The following ZRANB3 variants were observed in gnomAD, a reference collection of about 807,000 sequenced individuals.
The protein encoded by ZRANB3 is DNA annealing helicase and endonuclease ZRANB3.
ZRANB3 carries 125 observed loss-of-function variants against 133.8 expected under a neutral mutation model. That is an observed-to-expected ratio of 0.93 (90% CI 0.81 to 1.08). The LOEUF (loss-of-function observed/expected upper bound fraction) is 1.08. ZRANB3 is among the 50% of genes least tolerant of loss of function. The pLI is 0.00. For synonymous variants in ZRANB3, 387 were observed against 432.7 expected, an observed-to-expected ratio of 0.89 and a Z score of 1.31; for missense variants, 1,229 against 1,275.5, an observed-to-expected ratio of 0.96 and a Z score of 0.56.
intron 12 of ZRANB3, among the ~76,000 whole-genome samples, chr2:135,240,472 C>T (rs1452945978): frequency 1.3e-5 from 2 of 152,194 alleles, no homozygotes; most frequent in East Asian, 3.8e-4. Flanking sequence ...TCTAGTTAAA[C>T]CATACTGTTT....
intron 2 of ZRANB3, among the ~76,000 whole-genome samples, chr2:135,409,105 T>G (rs981417838): frequency 3.3e-5 from 5 of 152,106 alleles, no homozygotes; most frequent in Admixed American, 2.6e-4. Flanking sequence ...ACAGGAAACT[T>G]ACAATCATAG....
intron 2 of ZRANB3, among the ~76,000 whole-genome samples, chr2:135,402,339 G>A (rs1687771453): frequency 6.6e-6 from 1 of 150,738 alleles, no homozygotes; most frequent in Admixed American, 6.6e-5. Context: ...CTGTTGCCCG[G>A]GCTGCAGTGC....
chr2:135,511,859 T>C (rs1244311620), intron 1 of ZRANB3: 2 of 764,650 alleles, frequency 2.6e-6, no homozygotes, highest in Non-Finnish European at 4.9e-6. Flanking sequence ...CTATGCAGCA[T>C]GTCTGGGGCC....
intron 6 of ZRANB3, among the ~76,000 whole-genome samples, chr2:135,324,667 A>G (rs920855419): frequency 1.3e-5 from 2 of 152,216 alleles, no homozygotes; most frequent in African/African-American, 2.4e-5. Flanking sequence ...ACTGTCTTCC[A>G]TAATGGTTGA....
rs541576171 is a variant in ZRANB3, at chr2:135,481,088, T to C, written c.161+23241A>G. On this transcript the variant is annotated intron_variant, in intron 2 of 20. Transcript: ENST00000264159. ...CGCAATAAACATACGTGAGCATGTG[T>C]CTTTATAGCAGCATGATTTATAGTC... 7.9e-5 allele frequency among the ~76,000 whole-genome samples: 12 copies of C among 152,190 alleles called. No individual in the cohort carries two copies. In the East Asian group the frequency reaches 1.7e-3, roughly 22 times the overall value.
chr2:135,465,822 GA>G (rs1690963306), intron 2 of ZRANB3, among the ~76,000 whole-genome samples: 1 of 151,816 alleles, frequency 6.6e-6, no homozygotes, highest in Admixed American at 6.6e-5. Context: ...AAATTTACAA[GA>G]AAAAAACAAA....
At chr2:135,356,963 T>G (rs1685466870) in intron 3 of ZRANB3, among the ~76,000 whole-genome samples, 1 of 152,132 alleles carries the variant, frequency 6.6e-6, no homozygotes, top group Admixed American at 6.5e-5. Context: ...GGATTATAGG[T>G]GAGGGCCACC....
At chr2:135,461,706 C>T (rs568575174) in intron 2 of ZRANB3, among the ~76,000 whole-genome samples, 2 of 152,300 alleles carry the variant, frequency 1.3e-5, no homozygotes, top group South Asian at 4.1e-4. Flanking sequence ...CTGGACTAGA[C>T]AGCTCTACGT....
chr2:135,434,055 G>A (rs749887400), intron 2 of ZRANB3, among the ~76,000 whole-genome samples: 49 of 152,246 alleles, frequency 3.2e-4, no homozygotes, highest in Non-Finnish European at 5.9e-4. Flanking sequence ...CCGGATGCTC[G>A]GGAGGCTGAG....
chr2:135,520,582 GT>G (rs1436885798), intron 1 of ZRANB3, among the ~76,000 whole-genome samples: 1 of 150,934 alleles, frequency 6.6e-6, no homozygotes, highest in African/African-American at 2.4e-5. Flanking sequence ...CTGGCTAATT[GT>G]TTTTTTGTTT....
chr2:135,300,619 A>C (rs1156542340), intron 8 of ZRANB3, among the ~76,000 whole-genome samples: 1 of 152,208 alleles, frequency 6.6e-6, no homozygotes, highest in Non-Finnish European at 1.5e-5. Flanking sequence ...CAGTTGACCA[A>C]GCAAGAAATC....
chr2:135,463,504 G>A lies in ZRANB3; in HGVS notation c.161+40825C>T, dbSNP rs111991000. ...GTGATTTCGGCTCTCTGCAACCTCC[G>A]CCTCCCAGGTTCAAGCAATTCTCCT... On this transcript the variant is annotated intron_variant, in intron 2 of 20. Transcript: ENST00000264159. 3.0e-3 allele frequency among the ~76,000 whole-genome samples: 458 copies of A among 151,228 alleles called. 2 individuals are homozygous for A. Among genetic ancestry groups the A allele is most frequent in the African/African-American group, 0.01 (425 of 41,210 alleles).
At chr2:135,363,957 T>C (rs748049281) in intron 3 of ZRANB3, among the ~76,000 whole-genome samples, 2 of 152,058 alleles carry the variant, frequency 1.3e-5, no homozygotes, top group East Asian at 3.9e-4. Context: ...GTGCCTGTAG[T>C]CATAACTACT....
At chr2:135,299,412 C>G (rs888387261) in intron 8 of ZRANB3, among the ~76,000 whole-genome samples, 1 of 152,198 alleles carries the variant, frequency 6.6e-6, no homozygotes. Flanking sequence ...CTACAAGCCT[C>G]CCCTGCTCTG....
chr2:135,217,891 C>A (rs1482507197), intron 16 of ZRANB3, among the ~76,000 whole-genome samples: 1 of 152,146 alleles, frequency 6.6e-6, no homozygotes, highest in Non-Finnish European at 1.5e-5. Flanking sequence ...CTTACTGCAG[C>A]CTTGACCTCC....
chr2:135,452,623 A>G (rs1002548671), intron 2 of ZRANB3, among the ~76,000 whole-genome samples: 1 of 152,212 alleles, frequency 6.6e-6, no homozygotes, highest in East Asian at 1.9e-4. Context: ...AAGGGGTTGT[A>G]GGGCCCATGC....
At chr2:135,344,090 C>T (rs1684815192) in intron 6 of ZRANB3, among the ~76,000 whole-genome samples, 1 of 152,072 alleles carries the variant, frequency 6.6e-6, no homozygotes, top group Non-Finnish European at 1.5e-5. Flanking sequence ...TCAAGTACTC[C>T]CTATGTATGG....
At chr2:135,324,623 T>C (rs1195673047) in intron 6 of ZRANB3, among the ~76,000 whole-genome samples, 1 of 152,184 alleles carries the variant, frequency 6.6e-6, no homozygotes, top group Non-Finnish European at 1.5e-5. Context: ...GGTCAAATGG[T>C]ATTTCTAGTT....
At position 135,230,675 on chromosome 2, in the gene ZRANB3, T is replaced by C. The variant is rs2105068126; in HGVS notation, c.1792A>G (p.Lys598Glu). The change falls in exon 13 of 21, where the codon AAG becomes GAG. Residue 598 changes from lysine to glutamate, a missense_variant. Physicochemically the swap from Lys to Glu is moderately conservative, Grantham distance 56. Coordinates refer to ENST00000264159, the MANE Select transcript of ZRANB3 (RefSeq NM_032143.4). ...SPSEETPSQS[K>E]QIRTPLVESV... ...TCCACGAGTGGAGTTCGGATTTGCTTGGACTGGGATGGTGTCTCTTCCGAC... is the reference window on the plus strand; with the variant it reads ...TCCACGAGTGGAGTTCGGATTTGCTCGGACTGGGATGGTGTCTCTTCCGAC... 1.2e-6 allele frequency: 2 copies of C among 1,613,372 alleles called. No individual in the cohort carries two copies. The highest frequency in any genetic ancestry group is 1.7e-6 in the Non-Finnish European group (2 of 1,179,728).
Sources: gnomAD v4.1 joint callset for allele counts (sites outside exome capture counted in the v4.1 genomes callset) on GRCh38, gnomAD v4.1.1 for gene constraint, MANE v1.5 for transcripts, NCBI Gene and HGNC (gene_info 2026-07-23, HGNC 2026-07-21) for gene names.